The following DMD variants were observed in gnomAD, a reference collection of about 807,000 sequenced individuals.
DMD encodes the protein dystrophin, also known as mutant dystrophin.
In DMD, 63 loss-of-function variants were observed where a neutral mutation model predicts 330.1. That is an observed-to-expected ratio of 0.19 (90% CI 0.16 to 0.24). DMD has a LOEUF of 0.24. Ranked by LOEUF, DMD falls within the 10% of genes least tolerant of loss-of-function variation. The pLI, the probability that DMD is intolerant of heterozygous loss-of-function variation, is 1.00. For missense variants in DMD, 3,344 were observed against 2,684.1 expected (o/e 1.25, Z -5.43); for synonymous variants, 1,223 against 959.8 (o/e 1.27, Z -5.07).
At chrX:33,073,336 TAA>T (rs967698646) in intron 1 of DMD, among the ~76,000 whole-genome samples, 1 of 112,056 alleles carries the variant, frequency 8.9e-6, no homozygotes, top group Non-Finnish European at 1.9e-5. Flanking sequence ...CTAAGAGGCT[TAA>T]AATACATTTT....
At chrX:31,463,288 G>GA (rs930528847) in intron 59 of DMD, among the ~76,000 whole-genome samples, 2 of 111,647 alleles carry the variant, frequency 1.8e-5, no homozygotes, top group African/African-American at 3.2e-5. Context: ...ATTTTAACAT[G>GA]AAAAAATCTT....
intron 13 of DMD, among the ~76,000 whole-genome samples, chrX:32,580,249 A>T (rs1414507609): frequency 9.0e-6 from 1 of 111,544 alleles, no homozygotes; most frequent in African/African-American, 3.3e-5. Context: ...CTTACCTTTG[A>T]GGTTAATGTC....
chrX:31,789,772 C>T (rs2091482315), intron 50 of DMD, among the ~76,000 whole-genome samples: 1 of 111,143 alleles, frequency 9.0e-6, no homozygotes, highest in South Asian at 3.7e-4. Context: ...AAATTTTTAT[C>T]AAGTTATGTT....
chrX:32,210,572 C>T (rs2097089880), intron 44 of DMD, among the ~76,000 whole-genome samples: 1 of 111,705 alleles, frequency 9.0e-6, no homozygotes, highest in Non-Finnish European at 1.9e-5. Flanking sequence ...GATTTTTTTA[C>T]ATCATATGCC....
intron 62 of DMD, among the ~76,000 whole-genome samples, chrX:31,321,583 C>CAAAAAAAAAAA (rs1190446358): frequency 0.024 from 250 of 10,432 alleles, 15 homozygotes; most frequent in Non-Finnish European, 0.03. Flanking sequence ...AACTCCATCT[C>CAAAAAAAAAAA]AAAAAAAAAA....
At chrX:32,022,670 C>G (rs774723722) in intron 44 of DMD, among the ~76,000 whole-genome samples, 2 of 111,677 alleles carry the variant, frequency 1.8e-5, no homozygotes, top group East Asian at 5.6e-4. Flanking sequence ...TATATAGATT[C>G]AATGGAAAAT....
chrX:31,265,784 G>GT (rs1491432860), intron 62 of DMD, among the ~76,000 whole-genome samples: 2 of 7,855 alleles, frequency 2.5e-4, no homozygotes, highest in African/African-American at 8.7e-4. Context: ...TTGGGGGTGT[G>GT]GGGGGGGGGG....
intron 1 of DMD, among the ~76,000 whole-genome samples, chrX:33,241,054 T>C (rs1349765550): frequency 1.8e-5 from 2 of 111,813 alleles, no homozygotes; most frequent in African/African-American, 3.3e-5. Context: ...GCAGAACTTT[T>C]TGAGTTTGAT....
intron 44 of DMD, among the ~76,000 whole-genome samples, chrX:32,083,235 C>G (rs1014264309): frequency 7.2e-5 from 8 of 110,548 alleles, no homozygotes; most frequent in Non-Finnish European, 1.3e-4. Flanking sequence ...CCTAAGGCTT[C>G]TATTTAATGA....
intron 44 of DMD, among the ~76,000 whole-genome samples, chrX:32,029,649 A>T (rs1171545203): frequency 8.9e-6 from 1 of 111,752 alleles, no homozygotes. Context: ...TATTCTAGAC[A>T]ATTCTTGTAC....
intron 50 of DMD, among the ~76,000 whole-genome samples, chrX:31,780,974 C>A (rs562343460): frequency 9.0e-6 from 1 of 111,685 alleles, no homozygotes; most frequent in Non-Finnish European, 1.9e-5. Flanking sequence ...AGTTTGGGAG[C>A]TATGGATTTT....
intron 2 of DMD, among the ~76,000 whole-genome samples, chrX:32,916,652 T>C (rs1243867340): frequency 1.8e-5 from 2 of 111,872 alleles, no homozygotes; most frequent in African/African-American, 6.5e-5. Context: ...TGTTGATATC[T>C]ATTGAAGATA....
chrX:32,403,609 A>G (rs1378819658), intron 30 of DMD, among the ~76,000 whole-genome samples: 1 of 111,644 alleles, frequency 9.0e-6, no homozygotes, highest in Non-Finnish European at 1.9e-5. Flanking sequence ...TGTGTTTATG[A>G]CTGTTTCCCA....
intron 7 of DMD, among the ~76,000 whole-genome samples, chrX:32,747,727 C>T (rs921656038): frequency 9.0e-6 from 1 of 110,679 alleles, no homozygotes; most frequent in Non-Finnish European, 1.9e-5. Flanking sequence ...GATCTGCCTG[C>T]CTTGGCCTCC....
chrX:32,821,493 CAGG>C (rs2078246087), intron 5 of DMD, among the ~76,000 whole-genome samples: 6 of 109,401 alleles, frequency 5.5e-5, no homozygotes, highest in Non-Finnish European at 9.5e-5. Context: ...GAGGCTGAGG[CAGG>C]AGAATGGCGT....
At position 33,118,261 on chromosome X, in the gene DMD, C is replaced by T. The variant is rs2095401990; in HGVS notation, c.31+93021G>A. On this transcript the variant is annotated intron_variant, in intron 1 of 78. Transcript: ENST00000357033. ...GAGTAGCTGGGACTACAGGCGCCCG[C>T]TACCACGCCCGGCTAATTTTTTGTA... Among the ~76,000 whole-genome samples, 4 of 107,687 alleles carry T rather than the reference C, an allele frequency of 3.7e-5. No individual in the cohort carries two copies. The South Asian group carries it at 1.3e-3, about 34-fold the overall frequency. 93.5% of individuals were successfully genotyped at this position (107,687 alleles called of 115,157 possible). A position where few individuals can be genotyped will look rare whatever the true frequency, so the allele number is the denominator to read the frequency against.
At chrX:31,483,939 G>C (rs1261606419) in intron 57 of DMD, among the ~76,000 whole-genome samples, 1 of 111,496 alleles carries the variant, frequency 9.0e-6, no homozygotes, top group African/African-American at 3.3e-5. Context: ...CACTGTTCTA[G>C]GCAATGAACA....
intron 48 of DMD, among the ~76,000 whole-genome samples, chrX:31,874,960 C>T (rs181628301): frequency 3.5e-4 from 39 of 111,252 alleles, no homozygotes; most frequent in Admixed American, 2.1e-3. Flanking sequence ...ATTCCTACTT[C>T]CACTGTGCTG....
chrX:32,919,394 C>A (rs1314804240), intron 2 of DMD, among the ~76,000 whole-genome samples: 1 of 112,063 alleles, frequency 8.9e-6, no homozygotes, highest in African/African-American at 3.2e-5. Context: ...CTTTTCACTG[C>A]ATTATTTTTT....
Sources: allele counts gnomAD v4.1 joint callset (sites outside exome capture counted in the v4.1 genomes callset), GRCh38; gene constraint gnomAD v4.1.1; transcripts MANE v1.5; gene names NCBI Gene and HGNC (gene_info 2026-07-23, HGNC 2026-07-21).